Variants in SLC30A8 observed in about 807,000 individuals in gnomAD.
The protein encoded by SLC30A8 is proton-coupled zinc antiporter SLC30A8.
Under a neutral mutation model 36.9 loss-of-function variants are expected in SLC30A8, and 27 were observed. That is an observed-to-expected ratio of 0.73 (90% CI 0.54 to 1.01). The LOEUF (loss-of-function observed/expected upper bound fraction) is 1.01, where lower values mean the gene tolerates loss of function less well. SLC30A8 is among the 50% of genes least tolerant of loss of function. SLC30A8 has a pLI of 0.00. For missense variants in SLC30A8, 439 were observed against 452.0 expected (o/e 0.97, Z 0.26); for synonymous variants, 164 against 172.4 (o/e 0.95, Z 0.38).
intron 2 of SLC30A8, among the ~76,000 whole-genome samples, chr8:117,105,068 A>T (rs983480894): frequency 2.6e-5 from 4 of 152,088 alleles, no homozygotes; most frequent in African/African-American, 9.7e-5. Flanking sequence ...CAGCTTCTTT[A>T]TTGGAAGTTG....
intron 1 of SLC30A8, among the ~76,000 whole-genome samples, chr8:116,973,953 T>C (rs1586346618): frequency 6.6e-6 from 1 of 152,334 alleles, no homozygotes; most frequent in South Asian, 2.1e-4. Context: ...ATTCCCTATT[T>C]AATAAATGGT....
At chr8:116,989,955 T>G (rs1446797202) in intron 1 of SLC30A8, among the ~76,000 whole-genome samples, 1 of 152,182 alleles carries the variant, frequency 6.6e-6, no homozygotes, top group African/African-American at 2.4e-5. Flanking sequence ...ATTCCTTGAT[T>G]GATTAGTGGT....
At chr8:117,034,561 CCAA>C (rs1554625588) in intron 1 of SLC30A8, among the ~76,000 whole-genome samples, 1 of 152,094 alleles carries the variant, frequency 6.6e-6, no homozygotes, top group Non-Finnish European at 1.5e-5. Context: ...TGAGACTTAC[CCAA>C]CATAGCACAA....
chr8:117,169,446 G>C (rs569935303), intron 6 of SLC30A8, among the ~76,000 whole-genome samples: 4 of 152,066 alleles, frequency 2.6e-5, no homozygotes, highest in East Asian at 1.9e-4. Flanking sequence ...GAGGGTTAAG[G>C]GTTCCCCATT....
intron 2 of SLC30A8, among the ~76,000 whole-genome samples, chr8:117,083,373 C>G (rs1385818118): frequency 1.3e-5 from 2 of 152,136 alleles, no homozygotes; most frequent in Non-Finnish European, 2.9e-5. Flanking sequence ...AGGTCATAAC[C>G]TCTCTCTGGG....
At chr8:116,961,945 A>G (rs1814439019) in intron 1 of SLC30A8, among the ~76,000 whole-genome samples, 1 of 151,782 alleles carries the variant, frequency 6.6e-6, no homozygotes, top group Non-Finnish European at 1.5e-5. Context: ...ACATCCCAAC[A>G]CCGTTGCATT....
At chr8:116,950,814 T>C (rs1019849896), upstream of SLC30A8, 2 of 152,214 alleles carry the variant, frequency 1.3e-5, no homozygotes, top group Admixed American at 1.3e-4. Context: ...TACTGGACTT[T>C]ACGGTTTACA....
At chr8:117,035,222 AG>A (rs1253856606) in intron 1 of SLC30A8, among the ~76,000 whole-genome samples, 4 of 152,236 alleles carry the variant, frequency 2.6e-5, no homozygotes, top group African/African-American at 9.6e-5. Flanking sequence ...ATCTGAAACA[AG>A]GCAAGTTTCT....
At chr8:117,134,179 C>A (rs377157912), upstream of SLC30A8, among the ~76,000 whole-genome samples, 4 of 151,962 alleles carry the variant, frequency 2.6e-5, no homozygotes, top group African/African-American at 9.6e-5. Context: ...GGCAACTTCC[C>A]GTGACTCTGG....
intron 2 of SLC30A8, among the ~76,000 whole-genome samples, chr8:117,106,207 T>C (rs1819988609): frequency 6.6e-6 from 1 of 152,218 alleles, no homozygotes; most frequent in Admixed American, 6.6e-5. Flanking sequence ...ACTAGCCACA[T>C]GTGGTTTTCG....
At chr8:117,146,456 G>A (rs1206361577) in intron 1 of SLC30A8, among the ~76,000 whole-genome samples, 2 of 152,128 alleles carry the variant, frequency 1.3e-5, no homozygotes, top group Non-Finnish European at 2.9e-5. Context: ...TCTGCAGAGC[G>A]GTGGTAAGAA....
chr8:117,074,995 G>A (rs62510510), intron 2 of SLC30A8, among the ~76,000 whole-genome samples: 9,104 of 152,152 alleles, frequency 0.06, 315 homozygotes, highest in East Asian at 0.12. Context: ...GGTCTATAGG[G>A]AGAAAACCAA....
intron 2 of SLC30A8, among the ~76,000 whole-genome samples, chr8:117,064,801 G>C (rs573864801): frequency 6.6e-6 from 1 of 152,350 alleles, no homozygotes; most frequent in Non-Finnish European, 1.5e-5. Flanking sequence ...CCCCATCTGG[G>C]AGAGGAGGAA....
chr8:117,136,828 G>A (rs1242099673), intron 1 of SLC30A8, among the ~76,000 whole-genome samples: 1 of 151,918 alleles, frequency 6.6e-6, no homozygotes, highest in Non-Finnish European at 1.5e-5. Flanking sequence ...ACCACTTATA[G>A]TTACAAAGTC....
chr8:117,147,045 A>G lies in SLC30A8; in HGVS notation c.163A>G (p.Ser55Gly). The G allele has an allele frequency of 6.2e-7, 1 of 1,614,118 alleles. No individual in the cohort carries two copies. The highest frequency in any genetic ancestry group is 8.5e-7 in the Non-Finnish European group (1 of 1,179,948). ...GTCAGGAGGCATGTACCACTGCCAC[A>G]GTGGCTCCAAGCCCACAGAAAAGGG... is the stretch of plus-strand genomic sequence containing the variant. Reference protein sequence around the residue: ...LESGGMYHCHSGSKPTEKGAN... With the variant: ...LESGGMYHCHGGSKPTEKGAN... The change falls in exon 2 of 8, where the codon AGT (serine) becomes GGT (glycine). Residue 55 changes from serine (S) to glycine (G), a missense_variant. Coordinates refer to ENST00000456015, the MANE Select transcript of SLC30A8 (RefSeq NM_173851.3).
At chr8:117,136,214 G>T (rs992384369) in intron 1 of SLC30A8, among the ~76,000 whole-genome samples, 6 of 151,942 alleles carry the variant, frequency 3.9e-5, no homozygotes, top group Admixed American at 3.9e-4. Flanking sequence ...TAGGGTTAGG[G>T]ATAACCTACA....
At chr8:117,161,923 T>G (rs375276447) in intron 5 of SLC30A8, 35 bp downstream of exon 5, 6 of 1,588,984 alleles carry the variant, frequency 3.8e-6, no homozygotes, top group African/African-American at 1.3e-5. Flanking sequence ...CTAGTACTTA[T>G]GTAGATTAGG....
chr8:117,056,795 T>G (rs1817886163), intron 2 of SLC30A8, among the ~76,000 whole-genome samples: 1 of 152,202 alleles, frequency 6.6e-6, no homozygotes, highest in East Asian at 1.9e-4. Flanking sequence ...CCCTGTTGGA[T>G]GCAGTGTTCA....
At chr8:117,153,186 G>A in intron 3 of SLC30A8, 96 bp downstream of exon 3, 1 of 1,286,366 alleles carries the variant, frequency 7.8e-7, no homozygotes, top group Non-Finnish European at 1.0e-6. Context: ...TTGTTGGAAA[G>A]TCCTTAGAGA....
Sources: allele counts gnomAD v4.1 joint callset (sites outside exome capture counted in the v4.1 genomes callset), GRCh38; gene constraint gnomAD v4.1.1; transcripts MANE v1.5; gene names NCBI Gene and HGNC (gene_info 2026-07-23, HGNC 2026-07-21).